The following SMIM12 variants were observed in gnomAD, a reference collection of about 807,000 sequenced individuals.
SMIM12 encodes the protein UPF0767 protein C1orf212.
In SMIM12, 5 loss-of-function variants were observed where a neutral mutation model predicts 6.3. The ratio of observed to expected loss-of-function variants is 0.80; its 90% CI spans 0.42 to 1.68. SMIM12 has a LOEUF of 1.68. SMIM12 is among the 40% of genes most tolerant of loss of function. The pLI, the probability that SMIM12 is intolerant of heterozygous loss-of-function variation, is 0.02. For missense variants in SMIM12, 103 were observed against 121.4 expected (o/e 0.85, Z 0.71); for synonymous variants, 51 against 48.0 (o/e 1.06, Z -0.26).
rs1453710147 is a variant in SMIM12, at chr1:34,852,222, C to T, written c.*3477G>A. 6.6e-6 allele frequency among the ~76,000 whole-genome samples: 1 copy of T among 152,104 alleles called. No individual in the cohort carries two copies. Among genetic ancestry groups the T allele is most frequent in the Non-Finnish European group, 1.5e-5 (1 of 68,022 alleles). On this transcript the variant is annotated 3_prime_UTR_variant, in exon 2 of 2. Transcript: ENST00000521580. ...CTGGAAGAAGGGAGCCACCTGGATT[C>T]CCAAAGATAGGGCTCTCTCGACCAG...
intron 1 of SMIM12, chr1:34,857,244 G>A (rs1321917208): frequency 6.6e-6 from 1 of 151,620 alleles, no homozygotes; most frequent in Non-Finnish European, 1.5e-5. Flanking sequence ...AGCCCGGGGG[G>A]TGGGGTGGGG....
Position 34,855,862 on chromosome 1 carries a change from T to C in SMIM12, c.116A>G (p.Asp39Gly). 1 of 1,551,600 alleles carries C rather than the reference T, an allele frequency of 6.4e-7. No individual in the cohort carries two copies. Among genetic ancestry groups the C allele is most frequent in the Non-Finnish European group, 8.7e-7 (1 of 1,146,978 alleles). The change falls in exon 2 of 2, where the codon GAC (aspartate) becomes GGC (glycine). Residue 39 changes from aspartate (D) to glycine (G), a missense_variant. Coordinates refer to ENST00000521580, the MANE Select transcript of SMIM12 (RefSeq NM_138428.6). The part of the protein sequence containing the change: ...YHLEWFIRGK[D>G]PQPVEEEKSI... ...CTTTTCCTCCTCCACGGGCTGGGGG[T>C]CCTTTCCCCTGATGAACCATTCCAG...
At chr1:34,856,932 G>A (rs900643842) in intron 1 of SMIM12, among the ~76,000 whole-genome samples, 7 of 151,882 alleles carry the variant, frequency 4.6e-5, no homozygotes, top group East Asian at 1.9e-4. Context: ...GGCTAAAGAC[G>A]GTGGCTCACA....
In SMIM12 at chr1:34,855,956, C is replaced by T. The variant is rs1352554664; in HGVS notation, c.22G>A (p.Val8Met). Residue 8 changes from valine (V) to methionine (M), a missense_variant, in exon 2 of 2, where the codon GTG becomes ATG. Val to Met is a conservative substitution (Grantham distance 21). Transcript: ENST00000521580. ...ACATAAGGAGCATAGGTACGAACCA[C>T]GGTCCAAAACACAGGCCACATGACA... MWPVFWT[V>M]VRTYAPYVTF... is the part of the protein sequence containing the mutation. The T allele has an allele frequency of 1.3e-6, 2 of 1,548,132 alleles. No individual in the cohort carries two copies. Among genetic ancestry groups the T allele is most frequent in the African/African-American group, 1.4e-5 (1 of 72,948 alleles).
chr1:34,850,555 T>C lies in SMIM12; in HGVS notation c.*5144A>G, dbSNP rs1379669158. 1 of 151,854 alleles carries C rather than the reference T, an allele frequency of 6.6e-6. No individual in the cohort carries two copies. The highest frequency in any genetic ancestry group is 1.5e-5 in the Non-Finnish European group (1 of 67,950). 9.4% of individuals were successfully genotyped at this position (151,854 alleles called of 1,614,324 possible). On this transcript the variant is annotated 3_prime_UTR_variant, in exon 2 of 2. Coordinates refer to ENST00000521580, the MANE Select transcript of SMIM12 (RefSeq NM_138428.6). ...AGGAAAGAAATAATAGCACATGTAT[T>C]TGTATTTTATTATTCAGACTGGCTG...
chr1:34,855,107 G>A lies in SMIM12; in HGVS notation c.*592C>T, dbSNP rs1446329123. On this transcript the variant is annotated 3_prime_UTR_variant, in exon 2 of 2. Transcript: ENST00000521580. Reference sequence around the variant, plus strand: ...TATACAGTGATGGGGGTAGAAGATGGTGACTGTTTTCAAGCAAATTCACGA... The same window carrying A: ...TATACAGTGATGGGGGTAGAAGATGATGACTGTTTTCAAGCAAATTCACGA... 4 of 1,327,526 alleles carry A rather than the reference G, an allele frequency of 3.0e-6. No homozygotes were observed. Among genetic ancestry groups the A allele is most frequent in the East Asian group, 4.6e-5 (1 of 21,644 alleles). 82.2% of individuals were successfully genotyped at this position (1,327,526 alleles called of 1,614,324 possible). A position where few individuals can be genotyped will look rare whatever the true frequency, so the allele number is the denominator to read the frequency against.
At position 34,855,051 on chromosome 1, in the gene SMIM12, T is replaced by A; in HGVS notation, c.*648A>T. 7.9e-7 allele frequency: 1 copy of A among 1,273,448 alleles called. No individual in the cohort carries two copies. Among genetic ancestry groups the A allele is most frequent in the Non-Finnish European group, 1.0e-6 (1 of 977,270 alleles). The allele number at this position is 1,273,448 out of a possible 1,614,324, so 78.9% of individuals were successfully genotyped here. ...GATGATAAGATTCGATCATTATGGT[T>A]CTCAGATACCACTTTAATCAGGTTT... On this transcript the variant is annotated 3_prime_UTR_variant, in exon 2 of 2. Coordinates refer to ENST00000521580, the MANE Select transcript of SMIM12 (RefSeq NM_138428.6).
chr1:34,857,322 A>C (rs550325176), intron 1 of SMIM12: 6 of 152,314 alleles, frequency 3.9e-5, no homozygotes, highest in Middle Eastern at 3.4e-3. Flanking sequence ...GCAATACCAA[A>C]GTAATGTAAA....
chr1:34,851,109 A>T lies in SMIM12; in HGVS notation c.*4590T>A, dbSNP rs949029897. ...GAAACATAGGTTCTTCCTGCAATAC[A>T]ATTAAAGCTGCTAACATTTACTGAG... On this transcript the variant is annotated 3_prime_UTR_variant, in exon 2 of 2. Transcript: ENST00000521580. 5 of 152,252 alleles carry T rather than the reference A, an allele frequency of 3.3e-5. No individual in the cohort carries two copies. The highest frequency in any genetic ancestry group is 5.9e-5 in the Non-Finnish European group (4 of 68,046). 9.4% of individuals were successfully genotyped at this position (152,252 alleles called of 1,614,324 possible). A position where few individuals can be genotyped will look rare whatever the true frequency, so the allele number is the denominator to read the frequency against.
rs1439192077 is a variant in SMIM12 at position 34,855,842 on chromosome 1, C to A, written c.136G>T (p.Glu46Ter). ...RGKDPQPVEE[E>*]KSISERREDR... ...TCCCGGCGCTCTGAGATGCTCTTTT[C>A]CTCCTCCACGGGCTGGGGGTCCTTT... The change falls in exon 2 of 2, where the codon GAA (glutamate) becomes TAA (stop). Residue 46 changes from glutamate (E) to a stop codon, truncating the protein, a stop_gained. Coordinates refer to ENST00000521580, the MANE Select transcript of SMIM12 (RefSeq NM_138428.6). LOFTEE classifies it high-confidence loss of function. 6.4e-7 allele frequency: 1 copy of A among 1,551,726 alleles called. No homozygotes were observed. Among genetic ancestry groups the A allele is most frequent in the African/African-American group, 1.4e-5 (1 of 73,048 alleles).
rs1638501365 is a variant in SMIM12, at chr1:34,852,840, C to G, written c.*2859G>C. ...TCATTTGTCACCTGACCTCTGTCAGCACTAGTGTTTGGTTTAGCCCAGGGA... is the reference window on the plus strand; with the variant it reads ...TCATTTGTCACCTGACCTCTGTCAGGACTAGTGTTTGGTTTAGCCCAGGGA... On this transcript the variant is annotated 3_prime_UTR_variant, in exon 2 of 2. Transcript: ENST00000521580. 1 of 152,384 alleles carries G rather than the reference C, an allele frequency of 6.6e-6. No individual in the cohort carries two copies. Among genetic ancestry groups the G allele is most frequent in the Non-Finnish European group, 1.5e-5 (1 of 68,040 alleles). 9.4% of individuals were successfully genotyped at this position (152,384 alleles called of 1,614,324 possible). A position where few individuals can be genotyped will look rare whatever the true frequency, so the allele number is the denominator to read the frequency against.
chr1:34,855,731 C>T lies in SMIM12; in HGVS notation c.247G>A (p.Val83Met), dbSNP rs1371803598. 2.5e-6 allele frequency: 4 copies of T among 1,608,088 alleles called. No individual in the cohort carries two copies. Among genetic ancestry groups the T allele is most frequent in the Non-Finnish European group, 3.4e-6 (4 of 1,176,776 alleles). ...TTCTCTGGGCGGTTTCTGTTCAGCA[C>T]AGCTTTCGGGGCAAATTCTAGCTTG... ...KDKLEFAPKA[V>M]LNRNRPEKN Residue 83 changes from valine (V) to methionine (M), a missense_variant, in exon 2 of 2, where the codon GTG becomes ATG. Val to Met is a conservative substitution (Grantham distance 21). Coordinates refer to ENST00000521580, the MANE Select transcript of SMIM12 (RefSeq NM_138428.6).
At position 34,855,006 on chromosome 1, in the gene SMIM12, AG is replaced by A. The variant is rs1638592472; in HGVS notation, c.*692del. 1 of 1,229,566 alleles carries A rather than the reference AG, an allele frequency of 8.1e-7. No individual in the cohort carries two copies. Among genetic ancestry groups the A allele is most frequent in the African/African-American group, 1.6e-5 (1 of 63,644 alleles). 76.2% of individuals were successfully genotyped at this position (1,229,566 alleles called of 1,614,324 possible). On this transcript the variant is annotated 3_prime_UTR_variant, in exon 2 of 2. Coordinates refer to ENST00000521580, the MANE Select transcript of SMIM12 (RefSeq NM_138428.6). ...GCCTGTACTTGCCTAACTCCTAAGA[AG>A]ACCCCCAAATACCACCTGGATGATA...
intron 1 of SMIM12, chr1:34,857,754 A>G (rs755991656): frequency 4.6e-5 from 7 of 152,172 alleles, no homozygotes; most frequent in Non-Finnish European, 1.0e-4. Context: ...GCGGTCCCCA[A>G]TCTATATTTG....
Position 34,852,444 on chromosome 1 carries a change from T to C in SMIM12, c.*3255A>G, listed in dbSNP as rs996432833. Reference sequence around the variant, plus strand: ...AACCAATTCTGGGATCTAATATTTGTAACAAGTTGTTAGATCGCCAAAAAA... The same window carrying C: ...AACCAATTCTGGGATCTAATATTTGCAACAAGTTGTTAGATCGCCAAAAAA... On this transcript the variant is annotated 3_prime_UTR_variant, in exon 2 of 2. Transcript: ENST00000521580. 3.8e-4 allele frequency among the ~76,000 whole-genome samples: 40 copies of C among 105,748 alleles called. No individual in the cohort carries two copies. Among genetic ancestry groups the C allele is most frequent in the Admixed American group, 5.8e-4 (4 of 6,880 alleles). 69.4% of individuals were successfully genotyped at this position (105,748 alleles called of 152,430 possible). A position where few individuals can be genotyped will look rare whatever the true frequency, so the allele number is the denominator to read the frequency against.
At chr1:34,856,134 G>A (rs1272508077) in intron 1 of SMIM12, among the ~76,000 whole-genome samples, 152 bp from the exon 2 acceptor site, 2 of 146,860 alleles carry the variant, frequency 1.4e-5, no homozygotes, top group Admixed American at 1.4e-4. Context: ...AGGCTGGAGT[G>A]CAGTGGCACG....
chr1:34,856,655 T>A (rs938347737), intron 1 of SMIM12: 5 of 152,336 alleles, frequency 3.3e-5, no homozygotes, highest in Admixed American at 1.3e-4. Context: ...AATTTCTCCA[T>A]GAGCACAGCC....
chr1:34,855,110 ACT>A lies in SMIM12; in HGVS notation c.*587_*588del, dbSNP rs781302689. ...ACAGTGATGGGGGTAGAAGATGGTG[ACT>A]GTTTTCAAGCAAATTCACGAGGCAC... On this transcript the variant is annotated 3_prime_UTR_variant, in exon 2 of 2. Coordinates refer to ENST00000521580, the MANE Select transcript of SMIM12 (RefSeq NM_138428.6). The A allele has an allele frequency of 2.3e-5, 31 of 1,328,624 alleles. No homozygotes were observed. Among genetic ancestry groups the A allele is most frequent in the Non-Finnish European group, 3.0e-5 (30 of 1,001,966 alleles). The allele number at this position is 1,328,624 out of a possible 1,614,324, so 82.3% of individuals were successfully genotyped here.
In SMIM12 at chr1:34,853,649, C is replaced by A. The variant is rs1468685938; in HGVS notation, c.*2050G>T. On this transcript the variant is annotated 3_prime_UTR_variant, in exon 2 of 2. Coordinates refer to ENST00000521580, the MANE Select transcript of SMIM12 (RefSeq NM_138428.6). Reference sequence around the variant, plus strand: ...CAATATGGAAATTGTCCAGGATAAACTTATGTCATACTCCCACTTGATAGA... The same window carrying A: ...CAATATGGAAATTGTCCAGGATAAAATTATGTCATACTCCCACTTGATAGA... The A allele has an allele frequency of 1.3e-5, 2 of 152,216 alleles. No homozygotes were observed. Among genetic ancestry groups the A allele is most frequent in the Non-Finnish European group, 1.5e-5 (1 of 68,034 alleles). The allele number at this position is 152,216 out of a possible 1,614,324, so 9.4% of individuals were successfully genotyped here.
Sources: gnomAD v4.1 joint callset for allele counts (sites outside exome capture counted in the v4.1 genomes callset) on GRCh38, gnomAD v4.1.1 for gene constraint, MANE v1.5 for transcripts, NCBI Gene and HGNC (gene_info 2026-07-23, HGNC 2026-07-21) for gene names.